Variants in THSD7A observed in about 807,000 individuals in gnomAD.
THSD7A encodes the protein thrombospondin type-1 domain-containing protein 7A.
Under a neutral mutation model 231.3 loss-of-function variants are expected in THSD7A, and 96 were observed. The ratio of observed to expected loss-of-function variants is 0.41; its 90% CI spans 0.35 to 0.49. The LOEUF (loss-of-function observed/expected upper bound fraction) is 0.49. Among genes scored for constraint, THSD7A ranks in the 20% least tolerant of loss-of-function variants. The pLI, the probability that THSD7A is intolerant of heterozygous loss-of-function variation, is 0.05. For synonymous variants in THSD7A, 940 were observed against 743.3 expected, an observed-to-expected ratio of 1.26 and a Z score of -4.30; for missense variants, 2,290 against 2,070.2, an observed-to-expected ratio of 1.11 and a Z score of -2.06.
At chr7:11,562,220 A>G (rs17164781) in intron 4 of THSD7A, among the ~76,000 whole-genome samples, 2 of 152,132 alleles carry the variant, frequency 1.3e-5, no homozygotes, top group African/African-American at 4.8e-5. Flanking sequence ...TTTTTGTTCT[A>G]AGGCTCTCAA....
chr7:11,537,410 G>C (rs999701869), intron 6 of THSD7A, among the ~76,000 whole-genome samples: 1 of 152,182 alleles, frequency 6.6e-6, no homozygotes, highest in Admixed American at 6.5e-5. Context: ...GATTTCTTAT[G>C]AACGCTTTAG....
chr7:11,681,213 C>A (rs576303128), intron 1 of THSD7A, among the ~76,000 whole-genome samples: 2 of 151,794 alleles, frequency 1.3e-5, no homozygotes, highest in Non-Finnish European at 2.9e-5. Context: ...GGGTGGGGAG[C>A]AAGTGGAGGG....
At chr7:11,752,455 G>C (rs912938351) in intron 1 of THSD7A, among the ~76,000 whole-genome samples, 1 of 151,974 alleles carries the variant, frequency 6.6e-6, no homozygotes, top group African/African-American at 2.4e-5. Flanking sequence ...GGCAATGCAA[G>C]ATCATTTTTA....
intron 1 of THSD7A, among the ~76,000 whole-genome samples, chr7:11,788,853 G>A (rs1783867737): frequency 6.6e-6 from 1 of 151,900 alleles, no homozygotes; most frequent in African/African-American, 2.4e-5. Flanking sequence ...TCAGCACTAA[G>A]TACAGACTCA....
intron 1 of THSD7A, among the ~76,000 whole-genome samples, chr7:11,665,013 A>T (rs984751511): frequency 1.3e-5 from 2 of 152,068 alleles, no homozygotes; most frequent in Non-Finnish European, 2.9e-5. Context: ...AATACAGGAG[A>T]TATCGATACC....
At chr7:11,470,489 G>A (rs778696746) in intron 8 of THSD7A, among the ~76,000 whole-genome samples, 7 of 151,610 alleles carry the variant, frequency 4.6e-5, no homozygotes, top group Non-Finnish European at 8.8e-5. Flanking sequence ...TCTTTACACA[G>A]TACATGCTCA....
At chr7:11,563,671 T>C (rs16876959) in intron 4 of THSD7A, among the ~76,000 whole-genome samples, 5,286 of 152,298 alleles carry the variant, frequency 0.035, 229 homozygotes, top group African/African-American at 0.098. Context: ...CACTGAGTTA[T>C]GGTTTTTGAT....
Position 11,726,415 on chromosome 7 carries a change from G to T in THSD7A, c.191-89454C>A, listed in dbSNP as rs116004531. Among the ~76,000 whole-genome samples, 405 of 151,910 alleles carry T rather than the reference G, an allele frequency of 2.7e-3. 1 individual carries two copies. The highest frequency in any genetic ancestry group is 9.1e-3 in the African/African-American group (377 of 41,400). ...AAAACACACTGATTCATAATGAAAG[G>T]TTCATTAGTCAGCTAACATGAGCAC... On this transcript the variant is annotated intron_variant, in intron 1 of 27. Coordinates refer to ENST00000423059, the MANE Select transcript of THSD7A (RefSeq NM_015204.3).
At position 11,636,082 on chromosome 7, in the gene THSD7A, G is replaced by C. The variant is rs760420162; in HGVS notation, c.1022+48C>G. ...AGTACCGGATATCTTAGGTACTCAT[G>C]ATTCTTGACAGACAAGCCTGTGTAG... On this transcript the variant is annotated intron_variant, in intron 2 of 27. Transcript: ENST00000423059. The surrounding 1 kb of genome is among the most constrained non-coding windows in gnomAD (Gnocchi z 10.0). 3 of 1,519,564 alleles carry C rather than the reference G, an allele frequency of 2.0e-6. No individual in the cohort carries two copies. Among genetic ancestry groups the C allele is most frequent in the East Asian group, 4.5e-5 (2 of 44,268 alleles). 94.1% of individuals were successfully genotyped at this position (1,519,564 alleles called of 1,614,324 possible).
At chr7:11,432,921 A>G (rs1209307425) in intron 13 of THSD7A, among the ~76,000 whole-genome samples, 1 of 151,968 alleles carries the variant, frequency 6.6e-6, no homozygotes, top group African/African-American at 2.4e-5. Flanking sequence ...GGGATCACAA[A>G]TTTGGCATGA....
chr7:11,373,340 C>G lies in THSD7A; in HGVS notation c.*2454G>C, dbSNP rs1013264503. ...ATTTTTCAAGTAACCACAATAGAGTCTTTCTTAACTATTTTGGACAAATGG... is the reference window on the plus strand; with the variant it reads ...ATTTTTCAAGTAACCACAATAGAGTGTTTCTTAACTATTTTGGACAAATGG... On this transcript the variant is annotated 3_prime_UTR_variant, in exon 28 of 28. Coordinates refer to ENST00000423059, the MANE Select transcript of THSD7A (RefSeq NM_015204.3). The G allele has an allele frequency of 6.6e-6, 1 of 151,898 alleles. No individual in the cohort carries two copies. Among genetic ancestry groups the G allele is most frequent in the Non-Finnish European group, 1.5e-5 (1 of 67,900 alleles). 9.4% of individuals were successfully genotyped at this position (151,898 alleles called of 1,614,324 possible).
chr7:11,716,392 G>C (rs1054470478), intron 1 of THSD7A, among the ~76,000 whole-genome samples: 3 of 151,582 alleles, frequency 2.0e-5, no homozygotes, highest in African/African-American at 7.3e-5. Flanking sequence ...AGGGATTCAA[G>C]GACAATGATG....
intron 16 of THSD7A, among the ~76,000 whole-genome samples, chr7:11,422,902 C>T (rs557352656): frequency 1.2e-3 from 187 of 152,272 alleles, no homozygotes; most frequent in Non-Finnish European, 1.8e-3. Flanking sequence ...CTGCCTTCCT[C>T]GGCCTCCCAA....
intron 1 of THSD7A, among the ~76,000 whole-genome samples, chr7:11,778,633 AG>A (rs369180582): frequency 6.6e-6 from 1 of 152,212 alleles, no homozygotes; most frequent in Non-Finnish European, 1.5e-5. Context: ...AAACACTTTT[AG>A]AAGTATTAAG....
intron 2 of THSD7A, among the ~76,000 whole-genome samples, chr7:11,630,727 C>T (rs1312866678): frequency 1.3e-5 from 2 of 152,128 alleles, no homozygotes; most frequent in Non-Finnish European, 2.9e-5. Context: ...TTCGACAAAA[C>T]GAGATAGGTT....
At chr7:11,567,740 ATATGGACCCTGTTACC>A (rs1319120432) in intron 4 of THSD7A, among the ~76,000 whole-genome samples, 1 of 152,150 alleles carries the variant, frequency 6.6e-6, no homozygotes, top group Non-Finnish European at 1.5e-5. Flanking sequence ...CCACAGCTGT[ATATGGACCCTGTTACC>A]TCAACTTGGG....
At chr7:11,572,826 G>C (rs1468509605) in intron 4 of THSD7A, among the ~76,000 whole-genome samples, 1 of 152,022 alleles carries the variant, frequency 6.6e-6, no homozygotes, top group African/African-American at 2.4e-5. Flanking sequence ...CTCATGATAC[G>C]TTTCTTCTGA....
intron 1 of THSD7A, among the ~76,000 whole-genome samples, chr7:11,737,195 A>G (rs1037202323): frequency 1.3e-5 from 2 of 152,068 alleles, no homozygotes; most frequent in East Asian, 1.9e-4. Context: ...TTTTGCTGAC[A>G]TAAGGAGGAG....
chr7:11,491,200 G>A (rs1056257450), intron 6 of THSD7A, among the ~76,000 whole-genome samples: 10 of 152,044 alleles, frequency 6.6e-5, no homozygotes, highest in African/African-American at 2.2e-4. Flanking sequence ...CTAAGGTTGC[G>A]AGGAAATCCA....
Sources: allele counts gnomAD v4.1 joint callset (sites outside exome capture counted in the v4.1 genomes callset), GRCh38; gene constraint gnomAD v4.1.1; non-coding constraint Gnocchi (gnomAD v3.1); transcripts MANE v1.5; gene names NCBI Gene and HGNC (gene_info 2026-07-23, HGNC 2026-07-21).